CLEC2A: variants seen among roughly 807,000 people sequenced by gnomAD.
The protein encoded by CLEC2A is C-type lectin domain family 2 member A, also known as keratinocyte-associated C-type lectin.
A neutral mutation model predicts 18.6 loss-of-function variants in CLEC2A; 19 were observed. The ratio of observed to expected loss-of-function variants is 1.02; its 90% confidence interval spans 0.71 to 1.50. The LOEUF is 1.50. Ranked by LOEUF, CLEC2A falls within the 40% of genes most tolerant of loss-of-function variation. The pLI, the probability that CLEC2A is intolerant of heterozygous loss-of-function variation, is 0.00. For missense variants in CLEC2A, 190 were observed against 207.9 expected, an observed-to-expected ratio of 0.91 and a Z score of 0.53; for synonymous variants, 74 against 64.0, an observed-to-expected ratio of 1.16 and a Z score of -0.75.
chr12:9,881,451 T>G, the CLEC2A span: 1 of 588,300 alleles, frequency 1.7e-6, no homozygotes. Context: ...TAGACATCTG[T>G]GTCTGAGTAA....
At chr12:9,892,938 C>A in the CLEC2A span, 2 of 1,144,926 alleles carry the variant, frequency 1.7e-6, no homozygotes, top group Non-Finnish European at 2.4e-6. Flanking sequence ...AATCTATTTT[C>A]CAAGTAGTCA....
chr12:9,909,637 CAG>C (rs1224261420), downstream of CLEC2A, among the ~76,000 whole-genome samples: 3 of 152,190 alleles, frequency 2.0e-5, no homozygotes, highest in Admixed American at 2.0e-4. Context: ...TTTTAAGGGG[CAG>C]AGAGTCAGAG....
At chr12:9,929,758 C>A (rs964115684) in intron 1 of CLEC2A, among the ~76,000 whole-genome samples, 1 of 151,990 alleles carries the variant, frequency 6.6e-6, no homozygotes, top group Admixed American at 6.6e-5. Context: ...TCTATTAAAT[C>A]GGGGTAAATT....
intron 3 of CLEC2A, among the ~76,000 whole-genome samples, chr12:9,920,813 G>A (rs1165495343): frequency 1.3e-5 from 2 of 151,930 alleles, no homozygotes; most frequent in Non-Finnish European, 2.9e-5. Flanking sequence ...TAATTCACTC[G>A]CGTCTTCGAA....
chr12:9,921,737 G>A (rs1863176241), intron 3 of CLEC2A, among the ~76,000 whole-genome samples: 1 of 152,274 alleles, frequency 6.6e-6, no homozygotes. Context: ...TTACCATAAA[G>A]GAAGCTAGAG....
At chr12:9,888,410 A>G in the CLEC2A span, among the ~76,000 whole-genome samples, 71 of 152,188 alleles carry the variant, frequency 4.7e-4, no homozygotes, top group South Asian at 0.015. Flanking sequence ...GAATGGCGAG[A>G]ACCTGGGAGT....
At chr12:9,897,560 TAA>T (rs554528887), downstream of CLEC2A, among the ~76,000 whole-genome samples, 16 of 130,408 alleles carry the variant, frequency 1.2e-4, no homozygotes, top group African/African-American at 1.1e-4. Context: ...ACGCTCAGTA[TAA>T]AAAAAAAAAA....
the CLEC2A span, among the ~76,000 whole-genome samples, chr12:9,881,111 G>A: frequency 2.6e-5 from 4 of 152,112 alleles, no homozygotes; most frequent in Non-Finnish European, 4.4e-5. Context: ...TCTAACCATC[G>A]TTATTTGGAC....
chr12:9,924,510 A>T (rs568218029), intron 2 of CLEC2A, among the ~76,000 whole-genome samples: 1 of 152,238 alleles, frequency 6.6e-6, no homozygotes, highest in South Asian at 2.1e-4. Flanking sequence ...TACTTAGCCA[A>T]ATATAAGTGC....
intron 4 of CLEC2A, among the ~76,000 whole-genome samples, chr12:9,902,469 G>A (rs1467047682): frequency 6.6e-6 from 1 of 151,934 alleles, no homozygotes; most frequent in African/African-American, 2.4e-5. Flanking sequence ...CTAACCTCAA[G>A]TGAGCCACCC....
intron 4 of CLEC2A, among the ~76,000 whole-genome samples, chr12:9,904,710 A>G (rs1164250135): frequency 2.0e-5 from 3 of 152,110 alleles, no homozygotes; most frequent in Non-Finnish European, 4.4e-5. Flanking sequence ...TACCATTCAA[A>G]TATGGAGGGT....
At chr12:9,877,899 A>G in the CLEC2A span, among the ~76,000 whole-genome samples, 4 of 152,384 alleles carry the variant, frequency 2.6e-5, no homozygotes, top group Admixed American at 6.5e-5. Context: ...CAGAAAATGA[A>G]CAAGGCACAA....
chr12:9,884,969 C>T, the CLEC2A span: 1 of 1,330,142 alleles, frequency 7.5e-7, no homozygotes, highest in African/African-American at 1.5e-5. Flanking sequence ...TTGTCTTCTG[C>T]TCATATTTGG....
In CLEC2A at chr12:9,913,420, CA is replaced by C; in HGVS notation, c.*145del. The C allele has an allele frequency of 8.0e-6, 11 of 1,369,394 alleles. No homozygotes were observed. Among genetic ancestry groups the C allele is most frequent in the Non-Finnish European group, 1.0e-5 (11 of 1,048,048 alleles). 84.8% of individuals were successfully genotyped at this position (1,369,394 alleles called of 1,614,324 possible). A position where few individuals can be genotyped will look rare whatever the true frequency, so the allele number is the denominator to read the frequency against. On this transcript the variant is annotated 3_prime_UTR_variant, in exon 5 of 5. Transcript: ENST00000455827. ...TCTCTTTAACCATGGCAGGGCACAG[CA>C]AGAAGTTTCCATCTATAAACTAGAA...
At chr12:9,927,435 G>A (rs900862478) in intron 1 of CLEC2A, among the ~76,000 whole-genome samples, 1 of 152,014 alleles carries the variant, frequency 6.6e-6, no homozygotes, top group Non-Finnish European at 1.5e-5. Flanking sequence ...GACTATATGT[G>A]TATATCGTGC....
the CLEC2A span, chr12:9,881,565 C>G: frequency 7.0e-7 from 1 of 1,427,324 alleles, no homozygotes; most frequent in East Asian, 2.5e-5. Flanking sequence ...GTACTATTTT[C>G]TGGATAATAA....
intron 4 of CLEC2A, among the ~76,000 whole-genome samples, chr12:9,903,928 T>C (rs1382860063): frequency 6.6e-6 from 1 of 152,158 alleles, no homozygotes; most frequent in Non-Finnish European, 1.5e-5. Flanking sequence ...TTTATCCTTT[T>C]TGGTTAATGA....
At chr12:9,878,884 A>AT in the CLEC2A span, among the ~76,000 whole-genome samples, 16 of 152,212 alleles carry the variant, frequency 1.1e-4, no homozygotes, top group South Asian at 2.9e-3. Flanking sequence ...TTGTGAACCG[A>AT]TTTTTTAGGA....
downstream of CLEC2A, among the ~76,000 whole-genome samples, chr12:9,897,636 A>G (rs1263501457): frequency 1.3e-5 from 2 of 151,052 alleles, no homozygotes; most frequent in Non-Finnish European, 2.9e-5. Flanking sequence ...GATCACACAC[A>G]CAAGCTGAAG....
Sources: gnomAD v4.1 joint callset for allele counts (sites outside exome capture counted in the v4.1 genomes callset) on GRCh38, gnomAD v4.1.1 for gene constraint, MANE v1.5 for transcripts, NCBI Gene and HGNC (gene_info 2026-07-23, HGNC 2026-07-21) for gene names.